HIPK3: variants seen among roughly 807,000 people sequenced by gnomAD.
HIPK3 encodes homeodomain interacting protein kinase 3, also known as homeodomain-interacting protein kinase 3.
In HIPK3, 47 loss-of-function variants were observed where a neutral mutation model predicts 124.2. The observed-to-expected ratio is 0.38, with a 90% CI of 0.30 to 0.48. The LOEUF is 0.48. Ranked by LOEUF, HIPK3 falls within the 20% of genes least tolerant of loss-of-function variation. The pLI, the probability that HIPK3 is intolerant of heterozygous loss-of-function variation, is 0.98. For synonymous variants in HIPK3, 482 were observed against 515.2 expected, an observed-to-expected ratio of 0.94 and a Z score of 0.87; for missense variants, 1,286 against 1,454.3, an observed-to-expected ratio of 0.88 and a Z score of 1.88.
chr11:33,340,651 G>C (rs896152588), intron 6 of HIPK3, among the ~76,000 whole-genome samples: 1 of 152,112 alleles, frequency 6.6e-6, no homozygotes, highest in Admixed American at 6.5e-5. Flanking sequence ...TGTTAATTTA[G>C]TGGTGTGGAG....
In HIPK3 at chr11:33,343,824, T is replaced by C. The variant is rs559119885; in HGVS notation, c.1897+2138T>C. 3.3e-5 allele frequency among the ~76,000 whole-genome samples: 5 copies of C among 152,266 alleles called. No individual in the cohort carries two copies. In the South Asian group the frequency reaches 1.0e-3, roughly 32 times the overall value. On this transcript the variant is annotated intron_variant, in intron 8 of 16. Transcript: ENST00000303296. ...GGAGAAGGATTTATATCATAGAAAGTATAATAAAAGGGCAACTTAGATGGT... is the reference window on the plus strand; with the variant it reads ...GGAGAAGGATTTATATCATAGAAAGCATAATAAAAGGGCAACTTAGATGGT...
At chr11:33,260,844 T>A (rs1850800025) in intron 1 of HIPK3, among the ~76,000 whole-genome samples, 1 of 152,148 alleles carries the variant, frequency 6.6e-6, no homozygotes, top group Non-Finnish European at 1.5e-5. Context: ...AATATTCGTG[T>A]TGTAGCTGTC....
chr11:33,282,136 C>T (rs113878397), intron 1 of HIPK3, among the ~76,000 whole-genome samples: 1 of 152,282 alleles, frequency 6.6e-6, no homozygotes, highest in African/African-American at 2.4e-5. Flanking sequence ...GTAATTTCAG[C>T]ACTTTGGGAG....
chr11:33,265,705 C>G (rs555390631), intron 1 of HIPK3, among the ~76,000 whole-genome samples: 1 of 132,836 alleles, frequency 7.5e-6, no homozygotes, highest in African/African-American at 2.9e-5. Flanking sequence ...CCCAGGAGGT[C>G]GAGGCTGCAG....
At chr11:33,339,560 G>C in intron 6 of HIPK3, 26 bp downstream of exon 6, 1 of 1,468,002 alleles carries the variant, frequency 6.8e-7, no homozygotes, top group Non-Finnish European at 9.3e-7. Context: ...ATCTTTTAAA[G>C]TGGTTCTAAA....
At chr11:33,306,110 A>G (rs1478644859) in intron 2 of HIPK3, among the ~76,000 whole-genome samples, 1 of 152,242 alleles carries the variant, frequency 6.6e-6, no homozygotes, top group Non-Finnish European at 1.5e-5. Flanking sequence ...AATTTATAGA[A>G]GAGGCAACTG....
At chr11:33,310,307 A>ATCTATCT (rs59211221) in intron 2 of HIPK3, among the ~76,000 whole-genome samples, 1 of 38,096 alleles carries the variant, frequency 2.6e-5, no homozygotes, top group African/African-American at 6.8e-5. Context: ...CTATCTATCT[A>ATCTATCT]ATCTATCTAT....
chr11:33,327,951 T>C (rs1288586157), intron 2 of HIPK3, among the ~76,000 whole-genome samples: 1 of 152,240 alleles, frequency 6.6e-6, no homozygotes, highest in Non-Finnish European at 1.5e-5. Flanking sequence ...TATGTTGTTA[T>C]ATGCTGTATA....
intron 1 of HIPK3, among the ~76,000 whole-genome samples, chr11:33,258,160 C>A (rs1318612316): frequency 6.6e-6 from 1 of 152,068 alleles, no homozygotes; most frequent in Non-Finnish European, 1.5e-5. Flanking sequence ...ACGCGGGGGC[C>A]GTAGCCTCCG....
intron 2 of HIPK3, among the ~76,000 whole-genome samples, chr11:33,299,669 G>A (rs1475995198): frequency 2.0e-5 from 3 of 152,104 alleles, no homozygotes; most frequent in Admixed American, 6.5e-5. Context: ...AAATAGCATC[G>A]CGTTCTACAG....
chr11:33,295,491 G>A (rs1009880996), intron 2 of HIPK3, among the ~76,000 whole-genome samples: 8 of 152,238 alleles, frequency 5.3e-5, no homozygotes, highest in Non-Finnish European at 8.8e-5. Context: ...CTTATGTTGC[G>A]TCGTTATGAA....
intron 3 of HIPK3, among the ~76,000 whole-genome samples, chr11:33,329,342 C>T (rs1349244836): frequency 6.6e-6 from 1 of 151,932 alleles, no homozygotes; most frequent in African/African-American, 2.4e-5. Flanking sequence ...AAATGCTAGT[C>T]AAAATCAACA....
Position 33,282,358 on chromosome 11 carries a change from C to G in HIPK3, c.-2-4055C>G, listed in dbSNP as rs541263792. 2.0e-5 allele frequency among the ~76,000 whole-genome samples: 3 copies of G among 151,268 alleles called. No homozygotes were observed. The East Asian group carries it at 5.9e-4, about 30-fold the overall frequency. ...CATGTTTGTGCCATTGCACTTTAGTCTGGGCAACAAAGACTGTCTCAAAAA... is the reference window on the plus strand; with the variant it reads ...CATGTTTGTGCCATTGCACTTTAGTGTGGGCAACAAAGACTGTCTCAAAAA... On this transcript the variant is annotated intron_variant, in intron 1 of 16. Transcript: ENST00000303296.
intron 2 of HIPK3, among the ~76,000 whole-genome samples, chr11:33,290,474 C>T (rs1163521447): frequency 6.6e-6 from 1 of 151,808 alleles, no homozygotes; most frequent in African/African-American, 2.4e-5. Flanking sequence ...TAGTAGTGAG[C>T]TAGCATATTA....
At chr11:33,263,408 G>A (rs1404580791) in intron 1 of HIPK3, among the ~76,000 whole-genome samples, 2 of 152,118 alleles carry the variant, frequency 1.3e-5, no homozygotes, top group Non-Finnish European at 2.9e-5. Context: ...CTCCGCCTCC[G>A]GGGTTCAAGT....
intron 2 of HIPK3, among the ~76,000 whole-genome samples, chr11:33,325,371 A>G (rs1042114197): frequency 1.3e-5 from 2 of 152,222 alleles, no homozygotes; most frequent in Non-Finnish European, 2.9e-5. Flanking sequence ...TCCATATTAA[A>G]TATTTCAAAA....
chr11:33,339,325 T>C, intron 5 of HIPK3, 25 bp from the exon 6 acceptor site: 1 of 1,464,160 alleles, frequency 6.8e-7, no homozygotes, highest in Non-Finnish European at 9.0e-7. Context: ...TTTTACTTGA[T>C]GGCTTGAAAT....
intron 2 of HIPK3, among the ~76,000 whole-genome samples, chr11:33,302,339 C>CTTTTTTTTT (rs374964013): frequency 0.2 from 23,527 of 118,346 alleles, 4,554 homozygotes; most frequent in South Asian, 0.3. Flanking sequence ...TAATTCCTTA[C>CTTTTTTTTT]TTCTTTTTTT....
chr11:33,319,727 C>G (rs1416732612), intron 2 of HIPK3, among the ~76,000 whole-genome samples: 1 of 151,980 alleles, frequency 6.6e-6, no homozygotes, highest in Non-Finnish European at 1.5e-5. Flanking sequence ...ATTCATTGAA[C>G]AAATAATGAA....
Sources: gnomAD v4.1 joint callset for allele counts (sites outside exome capture counted in the v4.1 genomes callset) on GRCh38, gnomAD v4.1.1 for gene constraint, MANE v1.5 for transcripts, NCBI Gene and HGNC (gene_info 2026-07-23, HGNC 2026-07-21) for gene names.